Variants in DDX19B observed in about 807,000 individuals in gnomAD.
The protein encoded by DDX19B is ATP-dependent RNA helicase DDX19B.
DDX19B carries 27 observed loss-of-function variants against 58.1 expected under a neutral mutation model. The ratio of observed to expected loss-of-function variants is 0.46; its 90% CI spans 0.34 to 0.64. DDX19B has a LOEUF of 0.64. Ranked by LOEUF, DDX19B falls within the 30% of genes least tolerant of loss-of-function variation. The pLI, the probability that DDX19B is intolerant of heterozygous loss-of-function variation, is 0.01. For missense variants in DDX19B, 399 were observed against 596.5 expected, an observed-to-expected ratio of 0.67 and a Z score of 3.45; for synonymous variants, 187 against 214.4, an observed-to-expected ratio of 0.87 and a Z score of 1.12.
intron 1 of DDX19B, among the ~76,000 whole-genome samples, chr16:70,305,799 C>T (rs914782641): frequency 4.6e-5 from 7 of 151,894 alleles, no homozygotes; most frequent in Non-Finnish European, 8.8e-5. Flanking sequence ...CTCACTCTGT[C>T]GCCCAGGCTG....
Position 70,329,770 on chromosome 16 carries a change from G to A in DDX19B, c.786-61G>A, listed in dbSNP as rs1197191112. The A allele has an allele frequency of 1.5e-5, 24 of 1,604,164 alleles. No individual in the cohort carries two copies. The African/African-American group carries it at 2.9e-4, about 20-fold the overall frequency. ...CATCTAGACCCTCCCAGCTGGGAAG[G>A]CTGTGCTTCTGTCGCTTCCCGGGGC... On this transcript the variant is annotated intron_variant, in intron 8 of 11. Coordinates refer to ENST00000288071, the MANE Select transcript of DDX19B (RefSeq NM_007242.7).
intron 1 of DDX19B, among the ~76,000 whole-genome samples, chr16:70,300,183 A>G (rs916074237): frequency 5.3e-5 from 8 of 151,276 alleles, no homozygotes; most frequent in African/African-American, 2.0e-4. Flanking sequence ...GGTTCCCGCC[A>G]ATTTTTTTCC....
intron 5 of DDX19B, among the ~76,000 whole-genome samples, chr16:70,318,174 A>G (rs1597483669): frequency 6.6e-6 from 1 of 151,656 alleles, no homozygotes; most frequent in African/African-American, 2.4e-5. Context: ...AGTGTTCGAG[A>G]CCAGCCTGGC....
upstream of DDX19B, among the ~76,000 whole-genome samples, chr16:70,295,386 A>G (rs1022413012): frequency 1.3e-5 from 2 of 151,356 alleles, no homozygotes; most frequent in African/African-American, 4.9e-5. Flanking sequence ...TGATCCTCCC[A>G]CCTCAGCCTC....
chr16:70,308,980 C>G (rs925482769), intron 1 of DDX19B, among the ~76,000 whole-genome samples: 5 of 152,106 alleles, frequency 3.3e-5, no homozygotes, highest in Non-Finnish European at 7.4e-5. Context: ...TGCCCTCCCC[C>G]ATTAGTGTAT....
chr16:70,293,768 T>C (rs985538975), upstream of DDX19B, among the ~76,000 whole-genome samples: 4 of 148,228 alleles, frequency 2.7e-5, no homozygotes, highest in South Asian at 2.1e-4. Context: ...CCCGCCACCG[T>C]GCCCGGCTAA....
chr16:70,302,728 A>G (rs1014769402), intron 1 of DDX19B, among the ~76,000 whole-genome samples: 1 of 152,202 alleles, frequency 6.6e-6, no homozygotes, highest in African/African-American at 2.4e-5. Context: ...GTATGGACAT[A>G]TGTTTGCATT....
Position 70,299,320 on chromosome 16 carries a change from T to C in DDX19B, c.23T>C (p.Leu8Pro). 6.2e-7 allele frequency: 1 copy of C among 1,607,618 alleles called. No individual in the cohort carries two copies. The highest frequency in any genetic ancestry group is 2.2e-5 in the East Asian group (1 of 44,468). The change falls in exon 1 of 12, where the codon CTG becomes CCG. Residue 8 changes from leucine (L) to proline (P), a missense_variant. Coordinates refer to ENST00000288071, the MANE Select transcript of DDX19B (RefSeq NM_007242.7). MATDSWALAVDEQEAAAE... is the reference protein window; with the variant it reads MATDSWAPAVDEQEAAAE... ...ACCATGGCCACTGACTCATGGGCCC[T>C]GGCGGTGGACGAGCAGGAAGCTGCG...
chr16:70,299,446 G>T (rs1961368525), intron 1 of DDX19B, 92 bp downstream of exon 1: 1 of 1,416,874 alleles, frequency 7.1e-7, no homozygotes, highest in Non-Finnish European at 9.4e-7. Context: ...TTGATTAGAG[G>T]CTGGATGGGG....
At position 70,334,012 on chromosome 16, in the gene DDX19B, C is replaced by A; in HGVS notation, c.*430C>A. On this transcript the variant is annotated 3_prime_UTR_variant, in exon 12 of 12. Coordinates refer to ENST00000288071, the MANE Select transcript of DDX19B (RefSeq NM_007242.7). ...AAAGGGAACACAGAGAGGGAGGCTT[C>A]CAGTAAGATAGGTGTGTAAGCCCAG... The A allele has an allele frequency of 4.3e-6, 1 of 233,144 alleles. No homozygotes were observed. Among genetic ancestry groups the A allele is most frequent in the Non-Finnish European group, 8.5e-6 (1 of 118,220 alleles). 14.4% of individuals were successfully genotyped at this position (233,144 alleles called of 1,614,324 possible). A position where few individuals can be genotyped will look rare whatever the true frequency, so the allele number is the denominator to read the frequency against.
At chr16:70,309,452 G>A (rs1315810179) in intron 1 of DDX19B, among the ~76,000 whole-genome samples, 7 of 151,872 alleles carry the variant, frequency 4.6e-5, no homozygotes, top group South Asian at 2.1e-4. Flanking sequence ...CCAAGATCAC[G>A]CCACTGCACT....
intron 1 of DDX19B, among the ~76,000 whole-genome samples, chr16:70,309,558 G>A (rs984432330): frequency 2.7e-5 from 4 of 149,412 alleles, no homozygotes; most frequent in South Asian, 4.3e-4. Flanking sequence ...AGTGGCTTAC[G>A]CCTGTAATCC....
At chr16:70,316,843 G>A (rs573758263) in intron 4 of DDX19B, among the ~76,000 whole-genome samples, 5 of 152,172 alleles carry the variant, frequency 3.3e-5, no homozygotes, top group South Asian at 2.1e-4. Context: ...GGCTAAGGCC[G>A]GCAGACCACT....
At chr16:70,295,772 G>A (rs1961194257), upstream of DDX19B, among the ~76,000 whole-genome samples, 1 of 152,058 alleles carries the variant, frequency 6.6e-6, no homozygotes, top group South Asian at 2.1e-4. Context: ...AGCAGAGGCA[G>A]GTGAACCTCT....
At chr16:70,325,838 T>C in intron 7 of DDX19B, 150 bp downstream of exon 7, 1 of 668,820 alleles carries the variant, frequency 1.5e-6, no homozygotes, top group Non-Finnish European at 2.5e-6. Flanking sequence ...ATATTTGCTT[T>C]ACATAAATGT....
chr16:70,304,702 C>G (rs1961668888), intron 1 of DDX19B, among the ~76,000 whole-genome samples: 1 of 152,162 alleles, frequency 6.6e-6, no homozygotes, highest in Admixed American at 6.6e-5. Flanking sequence ...CAGCACCATT[C>G]GTTTAAAAGT....
chr16:70,294,137 A>G (rs890734283), upstream of DDX19B, among the ~76,000 whole-genome samples: 1 of 124,552 alleles, frequency 8.0e-6, no homozygotes, highest in South Asian at 2.5e-4. Context: ...GCTGGAGTGC[A>G]GTGGCGCGAT....
intron 2 of DDX19B, among the ~76,000 whole-genome samples, chr16:70,313,393 C>G (rs1441214167): frequency 6.6e-6 from 1 of 152,104 alleles, no homozygotes; most frequent in Non-Finnish European, 1.5e-5. Flanking sequence ...TCAAGCAGTC[C>G]TCCCGCCTCA....
At chr16:70,294,699 C>G, upstream of DDX19B, 1 of 525,442 alleles carries the variant, frequency 1.9e-6, no homozygotes, top group South Asian at 3.6e-5. Flanking sequence ...CTTTGGCCCC[C>G]AGAGTTCCTG....
Sources: allele counts gnomAD v4.1 joint callset (sites outside exome capture counted in the v4.1 genomes callset), GRCh38; gene constraint gnomAD v4.1.1; transcripts MANE v1.5; gene names NCBI Gene and HGNC (gene_info 2026-07-23, HGNC 2026-07-21).